Variants in OTUD7A observed in about 807,000 individuals in gnomAD.
OTUD7A encodes OTU deubiquitinase 7A, also known as OTU domain-containing protein 7A.
Under a neutral mutation model 65.7 loss-of-function variants are expected in OTUD7A, and 12 were observed. The ratio of observed to expected loss-of-function variants is 0.18; its 90% CI spans 0.12 to 0.30. The LOEUF (loss-of-function observed/expected upper bound fraction) is 0.30. Ranked by LOEUF, OTUD7A falls within the 10% of genes least tolerant of loss-of-function variation. The pLI is 1.00. For missense variants in OTUD7A, 1,148 were observed against 1,304.8 expected (o/e 0.88, Z 1.85); for synonymous variants, 641 against 586.3 (o/e 1.09, Z -1.35).
intron 1 of OTUD7A, among the ~76,000 whole-genome samples, chr15:31,747,434 G>C (rs1383926431): frequency 1.3e-5 from 2 of 152,196 alleles, no homozygotes; most frequent in East Asian, 3.8e-4. Context: ...CACCAGAAAG[G>C]AAGGAGGTGT....
At chr15:31,843,331 C>CAA (rs80294740) in intron 1 of OTUD7A, among the ~76,000 whole-genome samples, 13 of 83,648 alleles carry the variant, frequency 1.6e-4, no homozygotes, top group South Asian at 3.9e-4. Context: ...ATTTTTTCTC[C>CAA]AAAAAAAAAA....
intron 12 of OTUD7A, among the ~76,000 whole-genome samples, chr15:31,485,804 T>TC (rs11376540): frequency 0.021 from 3,130 of 151,980 alleles, 107 homozygotes; most frequent in African/African-American, 0.072. Context: ...TTAATTTTTG[T>TC]CCCCCCCTCA....
intron 3 of OTUD7A, among the ~76,000 whole-genome samples, chr15:31,576,300 C>T (rs1181011561): frequency 6.6e-6 from 1 of 152,212 alleles, no homozygotes; most frequent in African/African-American, 2.4e-5. Flanking sequence ...AGTCATCTCT[C>T]TGCTCACCTG....
Position 31,484,279 on chromosome 15 carries a change from G to A in OTUD7A, c.1817C>T (p.Ser606Leu). 3 of 1,593,248 alleles carry A rather than the reference G, an allele frequency of 1.9e-6. No individual in the cohort carries two copies. Among genetic ancestry groups the A allele is most frequent in the Non-Finnish European group, 1.7e-6 (2 of 1,173,870 alleles). ...CGGCCCACCGCCCTTCTCCGCCGGC[G>A]ACGCGCCCGCTGCCTTGTCTGTGGG... ...PSPTDKAAGA[S>L]PAEKGGGPRG... Residue 606 changes from serine to leucine, a missense_variant, in exon 13 of 13, where the codon TCG becomes TTG. Physicochemically the swap from Ser to Leu is moderately radical, Grantham distance 145 (BLOSUM62 -2). Coordinates refer to ENST00000307050, the MANE Select transcript of OTUD7A (RefSeq NM_001382637.1). This position sits in a 1 kb window ranked among gnomAD's most constrained non-coding sequence, Gnocchi z 4.5.
chr15:31,845,571 T>C (rs1897277434), intron 1 of OTUD7A, among the ~76,000 whole-genome samples: 1 of 152,192 alleles, frequency 6.6e-6, no homozygotes, highest in South Asian at 2.1e-4. Flanking sequence ...TGCTCAGCAC[T>C]TGGCCATGTT....
At chr15:31,524,873 C>T (rs1199191469) in intron 8 of OTUD7A, among the ~76,000 whole-genome samples, 2 of 152,182 alleles carry the variant, frequency 1.3e-5, no homozygotes, top group African/African-American at 4.8e-5. Context: ...GCCCCTGTGT[C>T]CCCATTAGCA....
intron 1 of OTUD7A, among the ~76,000 whole-genome samples, chr15:31,821,142 T>C (rs1896671004): frequency 7.0e-6 from 1 of 142,338 alleles, no homozygotes; most frequent in African/African-American, 2.6e-5. Flanking sequence ...TCTTTTTTTT[T>C]TTTTTTTTTT....
intron 3 of OTUD7A, among the ~76,000 whole-genome samples, chr15:31,635,542 G>A (rs1238054195): frequency 1.3e-5 from 2 of 152,240 alleles, no homozygotes; most frequent in Non-Finnish European, 1.5e-5. Flanking sequence ...CTGCACTGAG[G>A]ATGGCACCTG....
intron 1 of OTUD7A, among the ~76,000 whole-genome samples, chr15:31,797,111 G>A (rs955988642): frequency 8.6e-4 from 131 of 152,302 alleles, no homozygotes; most frequent in African/African-American, 2.9e-3. Context: ...TGTTCCAGGA[G>A]CTCCTCATTC....
At chr15:31,494,988 A>T (rs2041363239) in intron 10 of OTUD7A, among the ~76,000 whole-genome samples, 1 of 152,128 alleles carries the variant, frequency 6.6e-6, no homozygotes, top group Non-Finnish European at 1.5e-5. Context: ...TTTGGGAATC[A>T]GGGGCGATGG....
intron 3 of OTUD7A, among the ~76,000 whole-genome samples, chr15:31,579,780 A>C (rs1889317336): frequency 6.6e-6 from 1 of 152,210 alleles, no homozygotes. Context: ...TTCAATACAT[A>C]TATACTCTCT....
At chr15:31,784,133 T>C (rs1311414143) in intron 1 of OTUD7A, among the ~76,000 whole-genome samples, 3 of 152,238 alleles carry the variant, frequency 2.0e-5, no homozygotes, top group Admixed American at 2.0e-4. Flanking sequence ...TGTAGATAAG[T>C]GCAAGACAGG....
intron 12 of OTUD7A, among the ~76,000 whole-genome samples, chr15:31,486,580 C>T (rs148085787): frequency 7.1e-6 from 1 of 140,902 alleles, no homozygotes; most frequent in East Asian, 2.2e-4. Flanking sequence ...AAATGAATCC[C>T]TCAGCGTTTG....
rs2338678 is a variant in OTUD7A at position 31,529,776 on chromosome 15, T to C, written c.652+931A>G. On this transcript the variant is annotated intron_variant, in intron 6 of 12. Coordinates refer to ENST00000307050, the MANE Select transcript of OTUD7A (RefSeq NM_001382637.1). ...GAGAGAGAGGTCTGGGGGCTGGCCC[T>C]TGATGTAGGTCATGGCACCCAGTTA... Among the ~76,000 whole-genome samples, 1,056 of 152,290 alleles carry C rather than the reference T, an allele frequency of 6.9e-3. 17 individuals carry two copies. The highest frequency in any genetic ancestry group is 0.025 in the African/African-American group (1,022 of 41,574).
intron 10 of OTUD7A, among the ~76,000 whole-genome samples, chr15:31,494,823 G>T (rs1383604992): frequency 6.6e-6 from 1 of 152,240 alleles, no homozygotes. Context: ...AGGACAGGTG[G>T]CTGGTGCTGC....
At chr15:31,687,415 G>C (rs1165744994) in intron 1 of OTUD7A, among the ~76,000 whole-genome samples, 2 of 152,156 alleles carry the variant, frequency 1.3e-5, no homozygotes, top group African/African-American at 4.8e-5. Context: ...GAGATCTCAG[G>C]AATAAAAGCA....
At chr15:31,668,914 GTC>G (rs1338754149) in intron 1 of OTUD7A, among the ~76,000 whole-genome samples, 7 of 152,180 alleles carry the variant, frequency 4.6e-5, no homozygotes, top group African/African-American at 1.7e-4. Flanking sequence ...AGCGACTGCT[GTC>G]TCTCTTCTGG....
intron 5 of OTUD7A, among the ~76,000 whole-genome samples, chr15:31,555,681 C>T (rs758841188): frequency 6.6e-6 from 1 of 152,046 alleles, no homozygotes; most frequent in Admixed American, 6.6e-5. Flanking sequence ...TAGCAGGGCA[C>T]TGAGAAATGA....
chr15:31,722,374 G>A (rs1893763908), intron 1 of OTUD7A, among the ~76,000 whole-genome samples: 1 of 152,226 alleles, frequency 6.6e-6, no homozygotes, highest in African/African-American at 2.4e-5. Context: ...AGGCTTCTTG[G>A]TAGATATTCA....
Sources: gnomAD v4.1 joint callset for allele counts (sites outside exome capture counted in the v4.1 genomes callset) on GRCh38, gnomAD v4.1.1 for gene constraint, Gnocchi (gnomAD v3.1) non-coding constraint, MANE v1.5 for transcripts, NCBI Gene and HGNC (gene_info 2026-07-23, HGNC 2026-07-21) for gene names.